The following FREM2 variants were observed in gnomAD, a reference collection of about 807,000 sequenced individuals.
The protein encoded by FREM2 is FRAS1-related extracellular matrix protein 2.
A neutral mutation model predicts 219.9 loss-of-function variants in FREM2; 119 were observed. The ratio of observed to expected loss-of-function variants is 0.54; its 90% confidence interval spans 0.47 to 0.63. FREM2 has a LOEUF of 0.63. Ranked by LOEUF, FREM2 falls within the 30% of genes least tolerant of loss-of-function variation. FREM2 has a pLI of 0.00. For missense variants in FREM2, 4,030 were observed against 3,993.6 expected (o/e 1.01, Z -0.25); for synonymous variants, 1,562 against 1,522.8 (o/e 1.03, Z -0.60).
Position 38,692,619 on chromosome 13 carries a change from AAAGG to A in FREM2, c.5173+105_5173+108del, listed in dbSNP as rs1869944152. Reference sequence around the variant, plus strand: ...CATTAAATTAGAGTCCAAGAGAAGGAAAGGAAACAAAGGGGATGGGGAGAATATA... The same window carrying A: ...CATTAAATTAGAGTCCAAGAGAAGGAAAACAAAGGGGATGGGGAGAATATA... On this transcript the variant is annotated intron_variant, in intron 1 of 23. Coordinates refer to ENST00000280481, the MANE Select transcript of FREM2 (RefSeq NM_207361.6). 4.5e-6 allele frequency: 6 copies of A among 1,324,466 alleles called. No individual in the cohort carries two copies. The South Asian group carries it at 7.1e-5, about 16-fold the overall frequency. The allele number at this position is 1,324,466 out of a possible 1,614,324, so 82.0% of individuals were successfully genotyped here.
At chr13:38,813,160 T>A (rs1875562306) in intron 6 of FREM2, among the ~76,000 whole-genome samples, 1 of 152,090 alleles carries the variant, frequency 6.6e-6, no homozygotes, top group Non-Finnish European at 1.5e-5. Flanking sequence ...GTGAGTTTTG[T>A]TCCTTCAGAT....
chr13:38,758,341 T>G (rs1170014847), intron 2 of FREM2, among the ~76,000 whole-genome samples: 1 of 152,244 alleles, frequency 6.6e-6, no homozygotes, highest in Non-Finnish European at 1.5e-5. Flanking sequence ...TCCATCTCTC[T>G]GAATGTCTAA....
intron 6 of FREM2, among the ~76,000 whole-genome samples, chr13:38,844,323 T>TAC (rs1877069879): frequency 6.6e-6 from 1 of 152,136 alleles, no homozygotes; most frequent in Non-Finnish European, 1.5e-5. Context: ...CTTGCACAGA[T>TAC]ACACACACAC....
intron 4 of FREM2, among the ~76,000 whole-genome samples, chr13:38,778,151 A>G (rs1184137394): frequency 6.6e-6 from 1 of 152,226 alleles, no homozygotes; most frequent in Admixed American, 6.5e-5. Flanking sequence ...AACCCTGGCC[A>G]GTATAGATTA....
At chr13:38,721,398 G>A (rs1254665547) in intron 2 of FREM2, among the ~76,000 whole-genome samples, 1 of 152,104 alleles carries the variant, frequency 6.6e-6, no homozygotes. Context: ...CCATGGGTGA[G>A]GACAGCAGAG....
intron 16 of FREM2, among the ~76,000 whole-genome samples, chr13:38,869,606 T>C (rs924071407): frequency 2.6e-5 from 4 of 152,202 alleles, no homozygotes; most frequent in Non-Finnish European, 5.9e-5. Flanking sequence ...TCTAATGATA[T>C]TTAACTCTAA....
Position 38,689,175 on chromosome 13 carries a change from C to T in FREM2, c.1831C>T (p.Leu611Phe). The T allele has an allele frequency of 6.2e-7, 1 of 1,614,096 alleles. No homozygotes were observed. Among genetic ancestry groups the T allele is most frequent in the Non-Finnish European group, 8.5e-7 (1 of 1,180,030 alleles). ...ACCCTTCTTAACTACGGGGCATCTG[C>T]TTCTCCGCCAAACTCACCCTCCCCA... Reference protein sequence around the residue: ...ESPFLTTGHLLLRQTHPPHEK... With the variant: ...ESPFLTTGHLFLRQTHPPHEK... Residue 611 changes from leucine to phenylalanine, a missense_variant, in exon 1 of 24, where the codon CTT (leucine) becomes TTT (phenylalanine). Physicochemically the swap from Leu to Phe is conservative, Grantham distance 22. This residue lies in a region of FREM2 where 3,102 missense variants were observed against 2,950.7 expected (regional missense o/e 1.05). Transcript: ENST00000280481.
chr13:38,844,348 CAT>C lies in FREM2; in HGVS notation c.6020-2224_6020-2223del, dbSNP rs534149290. 6.2e-3 allele frequency among the ~76,000 whole-genome samples: 948 copies of C among 152,234 alleles called. 7 individuals are homozygous for C. The highest frequency in any genetic ancestry group is 8.6e-3 in the Non-Finnish European group (584 of 68,014). On this transcript the variant is annotated intron_variant, in intron 6 of 23. Coordinates refer to ENST00000280481, the MANE Select transcript of FREM2 (RefSeq NM_207361.6). ...TACACACACACATGCATATAAAACA[CAT>C]GTGTCTGTACATATATGGTAACTCA... is the stretch of plus-strand genomic sequence containing the variant.
chr13:38,839,512 C>A (rs1201633154), intron 6 of FREM2, among the ~76,000 whole-genome samples: 1 of 152,336 alleles, frequency 6.6e-6, no homozygotes, highest in East Asian at 1.9e-4. Context: ...CTTCTGCTCT[C>A]TTCAGAACTG....
rs374788316 is a variant in FREM2 at position 38,848,485 on chromosome 13, G to A, written c.6194G>A (p.Ser2065Asn). 3.1e-6 allele frequency: 5 copies of A among 1,613,722 alleles called. No homozygotes were observed. Among genetic ancestry groups the A allele is most frequent in the Non-Finnish European group, 4.2e-6 (5 of 1,179,768 alleles). ...ADAGTDYVGI[S>N]RNLDFAPGVN... is the part of the protein sequence containing the mutation. ...GCTGGAACAGACTATGTGGGCATCA[G>A]CCGTAATTTAGATTTTGCACCTGGA... is the stretch of plus-strand genomic sequence containing the variant. The change falls in exon 8 of 24, where the codon AGC becomes AAC. Residue 2065 changes from serine (S) to asparagine (N), a missense_variant. Physicochemically the swap from Ser to Asn is conservative, Grantham distance 46. Coordinates refer to ENST00000280481, the MANE Select transcript of FREM2 (RefSeq NM_207361.6).
chr13:38,785,810 A>G (rs1279511943), intron 6 of FREM2, among the ~76,000 whole-genome samples: 1 of 152,168 alleles, frequency 6.6e-6, no homozygotes, highest in Non-Finnish European at 1.5e-5. Context: ...AATTGTCTAT[A>G]TACAAATTGA....
Position 38,791,052 on chromosome 13 carries a change from G to A in FREM2, c.6019+6244G>A, listed in dbSNP as rs572467756. Among the ~76,000 whole-genome samples, 17 of 152,238 alleles carry A rather than the reference G, an allele frequency of 1.1e-4. No individual in the cohort carries two copies. The East Asian group carries it at 2.5e-3, about 23-fold the overall frequency. The stretch of plus-strand genomic sequence containing the variant: ...CTTGGCAAAGCAGGAAAAATTGGGC[G>A]ATGACTGAAACAGCTTACTTCTCAT... On this transcript the variant is annotated intron_variant, in intron 6 of 23. Transcript: ENST00000280481.
chr13:38,801,156 T>G (rs1874992786), intron 6 of FREM2, among the ~76,000 whole-genome samples: 1 of 152,216 alleles, frequency 6.6e-6, no homozygotes, highest in African/African-American at 2.4e-5. Flanking sequence ...TTGTATTTCA[T>G]TCAGTGAATT....
At chr13:38,762,514 A>C (rs192884686) in intron 2 of FREM2, among the ~76,000 whole-genome samples, 23 of 151,870 alleles carry the variant, frequency 1.5e-4, no homozygotes, top group Admixed American at 1.5e-3. Flanking sequence ...ATCTTGGCTC[A>C]CCACAACCTC....
At chr13:38,709,965 A>G (rs1390642219) in intron 2 of FREM2, among the ~76,000 whole-genome samples, 1 of 149,946 alleles carries the variant, frequency 6.7e-6, no homozygotes, top group Non-Finnish European at 1.5e-5. Flanking sequence ...CCAAACGGTG[A>G]AAAATTAGTC....
intron 4 of FREM2, among the ~76,000 whole-genome samples, chr13:38,776,919 A>G (rs1182506423): frequency 1.3e-5 from 2 of 152,010 alleles, no homozygotes; most frequent in South Asian, 4.1e-4. Flanking sequence ...AGAGTTGACT[A>G]TTTCTATAAT....
chr13:38,824,172 G>A (rs1164484639), intron 6 of FREM2, among the ~76,000 whole-genome samples: 2 of 152,066 alleles, frequency 1.3e-5, no homozygotes, highest in African/African-American at 2.4e-5. Context: ...TTTATGTAGA[G>A]AAGAAAGAGT....
Position 38,691,488 on chromosome 13 carries a change from T to C in FREM2, c.4144T>C (p.Tyr1382His), listed in dbSNP as rs774189210. 1 of 1,614,162 alleles carries C rather than the reference T, an allele frequency of 6.2e-7. No homozygotes were observed. The highest frequency in any genetic ancestry group is 8.5e-7 in the Non-Finnish European group (1 of 1,179,996). The change falls in exon 1 of 24, where the codon TAT becomes CAT. Residue 1382 changes from tyrosine to histidine, a missense_variant. By Grantham distance (83) the Tyr-to-His change is moderately conservative (BLOSUM62 2). Transcript: ENST00000280481. ...TGAAGTAGACAGAAACTTAATTCAGTATGTCCATTTGGGGCAAGAGGGCAT... is the reference window on the plus strand; with the variant it reads ...TGAAGTAGACAGAAACTTAATTCAGCATGTCCATTTGGGGCAAGAGGGCAT... The part of the protein sequence containing the change: ...QDEVDRNLIQ[Y>H]VHLGQEGIRD...
chr13:38,806,082 G>A (rs1454427593), intron 6 of FREM2, among the ~76,000 whole-genome samples: 1 of 151,390 alleles, frequency 6.6e-6, no homozygotes, highest in Non-Finnish European at 1.5e-5. Context: ...CACATGAGTG[G>A]GAGAGGGTAG....
Sources: gnomAD v4.1 joint callset for allele counts (sites outside exome capture counted in the v4.1 genomes callset) on GRCh38, gnomAD v4.1.1 for gene constraint, gnomAD v4.1.1 regional missense constraint, MANE v1.5 for transcripts, NCBI Gene and HGNC (gene_info 2026-07-23, HGNC 2026-07-21) for gene names.